Variants in LRRTM4 observed in about 807,000 individuals in gnomAD.
LRRTM4 encodes the protein leucine-rich repeat transmembrane neuronal protein 4.
A neutral mutation model predicts 47.6 loss-of-function variants in LRRTM4; 25 were observed. That is an observed-to-expected ratio of 0.53 (90% CI 0.38 to 0.73). The LOEUF (loss-of-function observed/expected upper bound fraction) is 0.73, where lower values mean the gene tolerates loss of function less well. Among genes scored for constraint, LRRTM4 ranks in the 30% least tolerant of loss-of-function variants. LRRTM4 has a pLI of 0.00. For missense variants in LRRTM4, 638 were observed against 713.4 expected (o/e 0.89, Z 1.20); for synonymous variants, 311 against 269.5 (o/e 1.15, Z -1.51).
intron 3 of LRRTM4, among the ~76,000 whole-genome samples, chr2:77,491,341 A>C (rs72811287): frequency 6.6e-6 from 1 of 151,880 alleles, no homozygotes; most frequent in Non-Finnish European, 1.5e-5. Context: ...GTAGTGAAAA[A>C]GAGATAAAGG....
At chr2:77,035,447 A>G (rs993816968) in intron 3 of LRRTM4, among the ~76,000 whole-genome samples, 4 of 151,802 alleles carry the variant, frequency 2.6e-5, no homozygotes, top group Non-Finnish European at 4.4e-5. Flanking sequence ...AGCCACAGTT[A>G]CTTTTCTCAC....
intron 3 of LRRTM4, among the ~76,000 whole-genome samples, chr2:77,332,531 A>G (rs1158445749): frequency 6.6e-6 from 1 of 152,206 alleles, no homozygotes. Context: ...GCCAAATCAG[A>G]TACCCAATTC....
At chr2:77,274,321 G>A (rs530713834) in intron 3 of LRRTM4, among the ~76,000 whole-genome samples, 94 of 152,248 alleles carry the variant, frequency 6.2e-4, no homozygotes, top group African/African-American at 2.2e-3. Flanking sequence ...TTTAAATGTA[G>A]CCTTGGCTTC....
At chr2:76,790,325 T>G (rs1674906679) in intron 3 of LRRTM4, among the ~76,000 whole-genome samples, 1 of 152,108 alleles carries the variant, frequency 6.6e-6, no homozygotes, top group Non-Finnish European at 1.5e-5. Context: ...AGGGATTTTT[T>G]TTTGCCTCTG....
chr2:77,094,598 G>A (rs1416268005), intron 3 of LRRTM4, among the ~76,000 whole-genome samples: 1 of 152,076 alleles, frequency 6.6e-6, no homozygotes, highest in Non-Finnish European at 1.5e-5. Flanking sequence ...CAGTGGAACA[G>A]GACAGAAAGC....
At chr2:77,348,216 A>C (rs1671638590) in intron 3 of LRRTM4, among the ~76,000 whole-genome samples, 1 of 151,958 alleles carries the variant, frequency 6.6e-6, no homozygotes, top group Non-Finnish European at 1.5e-5. Flanking sequence ...TATACTGTTA[A>C]ACTTAACAGT....
intron 3 of LRRTM4, among the ~76,000 whole-genome samples, chr2:76,889,459 T>C (rs1673181879): frequency 6.6e-6 from 1 of 151,942 alleles, no homozygotes. Flanking sequence ...AAATAAAGTA[T>C]CCCTTCCTTC....
intron 3 of LRRTM4, among the ~76,000 whole-genome samples, chr2:76,944,272 A>G (rs773430498): frequency 6.6e-6 from 1 of 152,050 alleles, no homozygotes; most frequent in Non-Finnish European, 1.5e-5. Flanking sequence ...TCATCTTCCT[A>G]TGTCATCTCC....
At chr2:77,203,517 G>T (rs1256528313) in intron 3 of LRRTM4, among the ~76,000 whole-genome samples, 1 of 152,256 alleles carries the variant, frequency 6.6e-6, no homozygotes, top group Admixed American at 6.5e-5. Context: ...CCATCTTAAA[G>T]ATAAGGATCC....
intron 3 of LRRTM4, among the ~76,000 whole-genome samples, chr2:77,216,564 T>C (rs1674446285): frequency 6.6e-6 from 1 of 151,962 alleles, no homozygotes; most frequent in African/African-American, 2.4e-5. Flanking sequence ...AATAAATAAA[T>C]AAGAAATACA....
At chr2:77,123,794 C>G (rs899443391) in intron 3 of LRRTM4, among the ~76,000 whole-genome samples, 2 of 152,016 alleles carry the variant, frequency 1.3e-5, no homozygotes, top group African/African-American at 4.8e-5. Context: ...TCCATTTAAA[C>G]TCAAAAGGCA....
In LRRTM4 at chr2:77,270,478, T is replaced by G. The variant is rs140233688; in HGVS notation, c.1551+247840A>C. 4.3e-4 allele frequency among the ~76,000 whole-genome samples: 65 copies of G among 152,318 alleles called. 1 individual carries two copies. The East Asian group carries it at 9.3e-3, about 22-fold the overall frequency. ...TTCTAATTTGGTATCACAATAAATG[T>G]GTAGTAAAAGGCGCTATGGAATTAA... On this transcript the variant is annotated intron_variant, in intron 3 of 3. Transcript: ENST00000409884.
At chr2:76,795,907 G>T (rs1356444859) in intron 3 of LRRTM4, among the ~76,000 whole-genome samples, 1 of 151,788 alleles carries the variant, frequency 6.6e-6, no homozygotes, top group Non-Finnish European at 1.5e-5. Context: ...TGAGGTACCG[G>T]GTTCATCTCA....
At chr2:77,168,484 C>CA (rs1472567998) in intron 3 of LRRTM4, among the ~76,000 whole-genome samples, 1 of 151,860 alleles carries the variant, frequency 6.6e-6, no homozygotes, top group Non-Finnish European at 1.5e-5. Flanking sequence ...TATATATGTA[C>CA]AATGTGTAAT....
At chr2:77,217,061 A>G (rs1674464952) in intron 3 of LRRTM4, among the ~76,000 whole-genome samples, 1 of 139,794 alleles carries the variant, frequency 7.2e-6, no homozygotes, top group Non-Finnish European at 1.5e-5. Flanking sequence ...CGACAGAGTG[A>G]GACTCTGTCA....
intron 3 of LRRTM4, among the ~76,000 whole-genome samples, chr2:77,199,030 G>A (rs1395880206): frequency 6.6e-6 from 1 of 152,030 alleles, no homozygotes; most frequent in Non-Finnish European, 1.5e-5. Context: ...TGTGTCCTTG[G>A]TATCTGTAGA....
chr2:77,116,811 A>G (rs1041448162), intron 3 of LRRTM4, among the ~76,000 whole-genome samples: 2 of 152,142 alleles, frequency 1.3e-5, no homozygotes, highest in African/African-American at 4.8e-5. Context: ...ATATTTTTAC[A>G]TATATAATTT....
chr2:77,100,352 T>C (rs1478933765), intron 3 of LRRTM4, among the ~76,000 whole-genome samples: 1 of 152,212 alleles, frequency 6.6e-6, no homozygotes, highest in Admixed American at 6.5e-5. Flanking sequence ...AAAAATTTCA[T>C]ACAACATAAT....
intron 3 of LRRTM4, among the ~76,000 whole-genome samples, chr2:76,855,288 T>C (rs1672115948): frequency 6.6e-6 from 1 of 152,220 alleles, no homozygotes. Context: ...AAGTTACTGA[T>C]TCCTATCTAG....
Sources: gnomAD v4.1 joint callset for allele counts (sites outside exome capture counted in the v4.1 genomes callset) on GRCh38, gnomAD v4.1.1 for gene constraint, MANE v1.5 for transcripts, NCBI Gene and HGNC (gene_info 2026-07-23, HGNC 2026-07-21) for gene names.